GANAB: variants seen among roughly 807,000 people sequenced by gnomAD.
GANAB encodes neutral alpha-glucosidase AB.
Under a neutral mutation model 129.9 loss-of-function variants are expected in GANAB, and 35 were observed. The observed-to-expected ratio is 0.27, with a 90% CI of 0.21 to 0.36. The LOEUF (loss-of-function observed/expected upper bound fraction) is 0.36, where lower values mean the gene tolerates loss of function less well. Ranked by LOEUF, GANAB falls within the 10% of genes least tolerant of loss-of-function variation. GANAB has a pLI of 1.00. For synonymous variants in GANAB, 482 were observed against 451.8 expected (o/e 1.07, Z -0.85); for missense variants, 939 against 1,221.0 (o/e 0.77, Z 3.44).
At chr11:62,631,305 G>C (rs747779593) in intron 9 of GANAB, 122 bp from the exon 10 acceptor site, 2 of 842,214 alleles carry the variant, frequency 2.4e-6, no homozygotes, top group Non-Finnish European at 1.8e-6. Context: ...GCTGCTTTCG[G>C]TAAGACTAAA....
rs1224298699 is a variant in GANAB, at chr11:62,634,808, C to T, written c.560+13G>A. ...CACACTAGGTTCCCTGCAGTCCCAACCCCTGTACTCACGAGACCCTAGGGG... is the reference window on the plus strand; with the variant it reads ...CACACTAGGTTCCCTGCAGTCCCAATCCCTGTACTCACGAGACCCTAGGGG... On this transcript the variant is annotated intron_variant, in intron 5 of 23. Coordinates refer to ENST00000356638, the MANE Select transcript of GANAB (RefSeq NM_198334.3). The T allele has an allele frequency of 1.2e-5, 19 of 1,608,450 alleles. No homozygotes were observed. Among genetic ancestry groups the T allele is most frequent in the Non-Finnish European group, 1.4e-5 (17 of 1,175,306 alleles).
chr11:62,645,660 T>C (rs1343226704), intron 1 of GANAB, among the ~76,000 whole-genome samples: 1 of 152,108 alleles, frequency 6.6e-6, no homozygotes, highest in Non-Finnish European at 1.5e-5. Flanking sequence ...CTTTCAGATA[T>C]GACCTGTTGG....
chr11:62,645,998 G>A (rs1944461362), intron 1 of GANAB, among the ~76,000 whole-genome samples: 1 of 152,214 alleles, frequency 6.6e-6, no homozygotes. Flanking sequence ...TCCACGCCGT[G>A]AGCTTACTGG....
chr11:62,633,735 C>T (rs1463636449), intron 5 of GANAB: 2 of 591,698 alleles, frequency 3.4e-6, no homozygotes, highest in East Asian at 2.8e-5. Context: ...TAAGTGCCAC[C>T]AGGAGGCACA....
chr11:62,631,719 C>A (rs1488778085), intron 9 of GANAB, among the ~76,000 whole-genome samples: 1 of 152,070 alleles, frequency 6.6e-6, no homozygotes, highest in Admixed American at 6.6e-5. Flanking sequence ...CCTCGCCCTC[C>A]CAAAGTGCTG....
In GANAB at chr11:62,630,588, T is replaced by A; in HGVS notation, c.1386+13A>T. On this transcript the variant is annotated intron_variant, in intron 11 of 23. Transcript: ENST00000356638. ...CTACCCTGAGAAGACCAAGCGTGAC[T>A]GCAACCCCTTACCTTCCGCCTCTTA... 1 of 1,611,234 alleles carries A rather than the reference T, an allele frequency of 6.2e-7. No homozygotes were observed. Among genetic ancestry groups the A allele is most frequent in the Non-Finnish European group, 8.5e-7 (1 of 1,177,606 alleles).
intron 1 of GANAB, among the ~76,000 whole-genome samples, chr11:62,641,828 C>T (rs1225760262): frequency 6.6e-6 from 1 of 151,862 alleles, no homozygotes; most frequent in Non-Finnish European, 1.5e-5. Flanking sequence ...GATCCACCTG[C>T]CTCACCCTCC....
At chr11:62,638,894 T>C in intron 4 of GANAB, 89 bp downstream of exon 4, 1 of 1,359,216 alleles carries the variant, frequency 7.4e-7, no homozygotes, top group Non-Finnish European at 1.0e-6. Flanking sequence ...TACTACCTTA[T>C]TTTGGGAAAG....
At chr11:62,626,786 C>T in intron 20 of GANAB, 74 bp downstream of exon 20, 1 of 1,344,654 alleles carries the variant, frequency 7.4e-7, no homozygotes, top group South Asian at 1.2e-5. Context: ...GTACTGGACC[C>T]TAAGGCACAC....
At chr11:62,640,695 T>C (rs1324569586) in intron 1 of GANAB, among the ~76,000 whole-genome samples, 2 of 150,454 alleles carry the variant, frequency 1.3e-5, no homozygotes, top group Non-Finnish European at 3.0e-5. Flanking sequence ...TATCCAGGCG[T>C]GGTGGTGGGC....
At position 62,629,422 on chromosome 11, in the gene GANAB, A is replaced by C. The variant is rs990687940; in HGVS notation, c.1835-127T>G. ...AAGATGCAGTTCACAAGAACATTTG[A>C]ACAAGGAGTGGACCTCCCACACCCT... On this transcript the variant is annotated intron_variant, in intron 15 of 23. Coordinates refer to ENST00000356638, the MANE Select transcript of GANAB (RefSeq NM_198334.3). 6 of 829,294 alleles carry C rather than the reference A, an allele frequency of 7.2e-6. No homozygotes were observed. In the Admixed American group the frequency reaches 1.0e-4, roughly 14 times the overall value. 51.4% of individuals were successfully genotyped at this position (829,294 alleles called of 1,614,324 possible). A position where few individuals can be genotyped will look rare whatever the true frequency, so the allele number is the denominator to read the frequency against.
chr11:62,628,919 G>A lies in GANAB; in HGVS notation c.2030C>T (p.Ala677Val). Residue 677 changes from alanine to valine, a missense_variant, in exon 17 of 24, where the codon GCC (alanine) becomes GTC (valine). Coordinates refer to ENST00000356638, the MANE Select transcript of GANAB (RefSeq NM_198334.3). The part of the protein sequence containing the change: ...GAYQPFFRAH[A>V]HLDTGRREPW... ...CTCTCGTCGCCCAGTGTCCAAGTGG[G>A]CATGTGCCCGGAAGAATGGCTGGTA... 6.2e-7 allele frequency: 1 copy of A among 1,614,146 alleles called. No homozygotes were observed. Among genetic ancestry groups the A allele is most frequent in the Non-Finnish European group, 8.5e-7 (1 of 1,180,008 alleles).
intron 1 of GANAB, among the ~76,000 whole-genome samples, chr11:62,641,597 C>CTTTT (rs10629749): frequency 0.95 from 144,191 of 151,876 alleles, 68,890 homozygotes; most frequent in East Asian, 1. Flanking sequence ...TTGTTTTTTG[C>CTTTT]TTTGAGACAG....
chr11:62,645,969 T>C (rs1944459841), intron 1 of GANAB, among the ~76,000 whole-genome samples: 1 of 152,246 alleles, frequency 6.6e-6, no homozygotes, highest in Non-Finnish European at 1.5e-5. Context: ...CGATTACATG[T>C]TGTGTTTGAG....
chr11:62,645,437 G>A (rs911127338), intron 1 of GANAB, among the ~76,000 whole-genome samples: 2 of 151,896 alleles, frequency 1.3e-5, no homozygotes, highest in Admixed American at 6.6e-5. Context: ...TCGGGAGGCT[G>A]AGGCAGGAGA....
chr11:62,639,952 T>C lies in GANAB; in HGVS notation c.39-221A>G, dbSNP rs1590821036. The C allele has an allele frequency of 7.6e-6, 4 of 525,440 alleles. No homozygotes were observed. The East Asian group carries it at 1.3e-4, about 17-fold the overall frequency. The allele number at this position is 525,440 out of a possible 1,614,324, so 32.5% of individuals were successfully genotyped here. A position where few individuals can be genotyped will look rare whatever the true frequency, so the allele number is the denominator to read the frequency against. ...CACACCTTCCCTTTGAAAGGCAGAG[T>C]AGGCTGGGCGTGGTGGCTCACTCCT... On this transcript the variant is annotated intron_variant, in intron 1 of 23. Transcript: ENST00000356638.
In GANAB at chr11:62,630,719, C is replaced by T. The variant is rs1943632050; in HGVS notation, c.1268G>A (p.Cys423Tyr). 6.2e-7 allele frequency: 1 copy of T among 1,614,144 alleles called. No individual in the cohort carries two copies. Among genetic ancestry groups the T allele is most frequent in the Non-Finnish European group, 8.5e-7 (1 of 1,179,976 alleles). ...TTCAATGTCTAGCCAGATGACATCA[C>T]AGGGCAGGTTGTGATCATCAAAGCC... ...DQGFDDHNLPCDVIWLDIEHA... is the reference protein window; with the variant it reads ...DQGFDDHNLPYDVIWLDIEHA... The change falls in exon 11 of 24, where the codon TGT (cysteine) becomes TAT (tyrosine). Residue 423 changes from cysteine to tyrosine, a missense_variant. By Grantham distance (194) the Cys-to-Tyr change is radical. Coordinates refer to ENST00000356638, the MANE Select transcript of GANAB (RefSeq NM_198334.3).
chr11:62,639,336 G>A, intron 3 of GANAB, 23 bp downstream of exon 3: 1 of 1,480,164 alleles, frequency 6.8e-7, no homozygotes, highest in Non-Finnish European at 9.4e-7. Context: ...ACCCCCACCA[G>A]ACTCTTCCTT....
intron 1 of GANAB, chr11:62,640,003 C>T (rs578081030): frequency 8.4e-6 from 3 of 358,542 alleles, no homozygotes; most frequent in Non-Finnish European, 5.1e-6. Flanking sequence ...TGGGAGGCTG[C>T]GGCGGGCGGA....
Sources: gnomAD v4.1 joint callset for allele counts (sites outside exome capture counted in the v4.1 genomes callset) on GRCh38, gnomAD v4.1.1 for gene constraint, MANE v1.5 for transcripts, NCBI Gene and HGNC (gene_info 2026-07-23, HGNC 2026-07-21) for gene names.